Variants in IQGAP2 observed in about 807,000 individuals in gnomAD.
IQGAP2 encodes ras GTPase-activating-like protein IQGAP2.
In IQGAP2, 173 loss-of-function variants were observed where a neutral mutation model predicts 201.3. The observed-to-expected ratio is 0.86, with a 90% CI of 0.76 to 0.98. The LOEUF (loss-of-function observed/expected upper bound fraction) is 0.98, where lower values mean the gene tolerates loss of function less well. Ranked by LOEUF, IQGAP2 falls within the 50% of genes least tolerant of loss-of-function variation. IQGAP2 has a pLI of 0.00. For missense variants in IQGAP2, 1,687 were observed against 1,864.8 expected (o/e 0.90, Z 1.76); for synonymous variants, 675 against 673.9 (o/e 1.00, Z -0.03).
In IQGAP2 at chr5:76,452,133, T is replaced by TA. The variant is rs35680480; in HGVS notation, c.47-9424dup. 9.6e-4 allele frequency among the ~76,000 whole-genome samples: 137 copies of TA among 142,882 alleles called. 1 individual carries two copies. In the South Asian group the frequency reaches 0.013, roughly 14 times the overall value. 93.7% of individuals were successfully genotyped at this position (142,882 alleles called of 152,430 possible). A position where few individuals can be genotyped will look rare whatever the true frequency, so the allele number is the denominator to read the frequency against. ...GAATATTTGGAAAATGTATAAGAAT[T>TA]AAAAAAAAAAAAAGAACAAATCTGA... On this transcript the variant is annotated intron_variant, in intron 1 of 35. Transcript: ENST00000274364.
At chr5:76,549,084 G>A (rs1743273671) in intron 2 of IQGAP2, among the ~76,000 whole-genome samples, 1 of 152,146 alleles carries the variant, frequency 6.6e-6, no homozygotes, top group Non-Finnish European at 1.5e-5. Flanking sequence ...TCATATTGGC[G>A]GGGCATGGTC....
At chr5:76,636,669 G>A (rs910681161) in intron 15 of IQGAP2, among the ~76,000 whole-genome samples, 4 of 152,214 alleles carry the variant, frequency 2.6e-5, no homozygotes, top group African/African-American at 9.6e-5. Flanking sequence ...TAAGCAAAGA[G>A]GATCTTGCCG....
intron 1 of IQGAP2, among the ~76,000 whole-genome samples, chr5:76,422,580 G>C (rs1450195628): frequency 3.3e-5 from 5 of 152,214 alleles, no homozygotes; most frequent in Non-Finnish European, 5.9e-5. Flanking sequence ...CTCTGCAGGA[G>C]AGCCTAGTAA....
At chr5:76,663,221 T>G (rs253089) in intron 21 of IQGAP2, among the ~76,000 whole-genome samples, 150,656 of 152,336 alleles carry the variant, frequency 0.99, 74,529 homozygotes, top group Non-Finnish European at 1. Context: ...TGGTGGGAAG[T>G]GGCCAGGGTG....
At chr5:76,653,248 G>T (rs900614836) in intron 18 of IQGAP2, among the ~76,000 whole-genome samples, 3 of 152,128 alleles carry the variant, frequency 2.0e-5, no homozygotes, top group Admixed American at 6.5e-5. Flanking sequence ...CTAATTTAGG[G>T]CCTATATTTG....
intron 2 of IQGAP2, among the ~76,000 whole-genome samples, chr5:76,548,537 A>G (rs1743237066): frequency 6.6e-6 from 1 of 152,264 alleles, no homozygotes. Context: ...TTGTCAGAGC[A>G]GAGTGGCAGA....
chr5:76,449,555 C>T (rs1006031230), intron 1 of IQGAP2, among the ~76,000 whole-genome samples: 1 of 152,156 alleles, frequency 6.6e-6, no homozygotes, highest in African/African-American at 2.4e-5. Context: ...GAAACACATT[C>T]TGTTGTTGTA....
At chr5:76,648,326 C>A (rs1324313119) in intron 17 of IQGAP2, among the ~76,000 whole-genome samples, 2 of 152,158 alleles carry the variant, frequency 1.3e-5, no homozygotes, top group Non-Finnish European at 2.9e-5. Context: ...ACCTAGCCTT[C>A]TCCTCCCACC....
chr5:76,675,958 G>A (rs1257688065), intron 27 of IQGAP2, among the ~76,000 whole-genome samples: 1 of 152,050 alleles, frequency 6.6e-6, no homozygotes, highest in Non-Finnish European at 1.5e-5. Context: ...GTAAGCACCT[G>A]TAGTCCCAGC....
intron 2 of IQGAP2, among the ~76,000 whole-genome samples, chr5:76,474,794 C>A (rs1157235342): frequency 6.6e-6 from 1 of 152,168 alleles, no homozygotes; most frequent in Non-Finnish European, 1.5e-5. Flanking sequence ...CTAAGGACAA[C>A]CTCCGCCTCC....
At chr5:76,495,342 A>T (rs1308788219) in intron 2 of IQGAP2, among the ~76,000 whole-genome samples, 2 of 152,176 alleles carry the variant, frequency 1.3e-5, no homozygotes, top group Non-Finnish European at 2.9e-5. Context: ...TGAGCCTGTT[A>T]GGTAGGACAT....
Position 76,529,294 on chromosome 5 carries a change from A to G in IQGAP2, c.147-33102A>G, listed in dbSNP as rs1759143321. On this transcript the variant is annotated intron_variant, in intron 2 of 35. Coordinates refer to ENST00000274364, the MANE Select transcript of IQGAP2 (RefSeq NM_006633.5). Reference sequence around the variant, plus strand: ...AATTAACTGAGTGGTTTTTACATGGAGCTTCAGGATATCCAGAAGCATATG... The same window carrying G: ...AATTAACTGAGTGGTTTTTACATGGGGCTTCAGGATATCCAGAAGCATATG... Among the ~76,000 whole-genome samples, 5 of 152,128 alleles carry G rather than the reference A, an allele frequency of 3.3e-5. No individual in the cohort carries two copies. The South Asian group carries it at 1.0e-3, about 32-fold the overall frequency.
At chr5:76,488,971 C>CGGAA (rs1358922776) in intron 2 of IQGAP2, among the ~76,000 whole-genome samples, 2 of 152,172 alleles carry the variant, frequency 1.3e-5, no homozygotes, top group Non-Finnish European at 2.9e-5. Flanking sequence ...TGTTGTTCCT[C>CGGAA]CCTTCAGGTA....
intron 14 of IQGAP2, among the ~76,000 whole-genome samples, chr5:76,628,394 C>T (rs1580663264): frequency 6.6e-6 from 1 of 152,286 alleles, no homozygotes; most frequent in East Asian, 1.9e-4. Flanking sequence ...GTGGTTACTT[C>T]CCCACTTCTG....
chr5:76,457,927 T>C (rs1478047896), intron 1 of IQGAP2, among the ~76,000 whole-genome samples: 1 of 152,244 alleles, frequency 6.6e-6, no homozygotes, highest in Non-Finnish European at 1.5e-5. Context: ...TTCTTCACAA[T>C]GTCCTCATGT....
chr5:76,521,952 A>T (rs970245772), intron 2 of IQGAP2, among the ~76,000 whole-genome samples: 8 of 82,054 alleles, frequency 9.7e-5, no homozygotes, highest in Non-Finnish European at 1.9e-4. Context: ...TTGATAATTA[A>T]AAAAAAAAAT....
chr5:76,576,896 C>T (rs545069955), intron 5 of IQGAP2, among the ~76,000 whole-genome samples: 2 of 152,206 alleles, frequency 1.3e-5, no homozygotes, highest in East Asian at 1.9e-4. Context: ...TCAGATGTGG[C>T]GAGAGTATCA....
chr5:76,587,628 A>G (rs1379178101), intron 5 of IQGAP2, among the ~76,000 whole-genome samples: 2 of 152,192 alleles, frequency 1.3e-5, no homozygotes, highest in Non-Finnish European at 2.9e-5. Context: ...ATCATGTATT[A>G]CTTTTCTAAA....
intron 35 of IQGAP2, among the ~76,000 whole-genome samples, chr5:76,704,173 G>A (rs1012273336): frequency 6.6e-6 from 1 of 152,136 alleles, no homozygotes; most frequent in Non-Finnish European, 1.5e-5. Flanking sequence ...AGCTAATTAG[G>A]GTCTTCAGTT....
Sources: gnomAD v4.1 joint callset for allele counts (sites outside exome capture counted in the v4.1 genomes callset) on GRCh38, gnomAD v4.1.1 for gene constraint, MANE v1.5 for transcripts, NCBI Gene and HGNC (gene_info 2026-07-23, HGNC 2026-07-21) for gene names.